Variants in TPD52L2 observed in about 807,000 individuals in gnomAD.
TPD52L2 encodes tumor protein D54.
TPD52L2 carries 19 observed loss-of-function variants against 24.7 expected under a neutral mutation model. The observed-to-expected ratio is 0.77, with a 90% CI of 0.54 to 1.13. TPD52L2 has a LOEUF of 1.13. Ranked by LOEUF, TPD52L2 falls within the 50% of genes most tolerant of loss-of-function variation. The pLI is 0.00. For synonymous variants in TPD52L2, 104 were observed against 100.2 expected (o/e 1.04, Z -0.23); for missense variants, 236 against 250.4 (o/e 0.94, Z 0.39).
chr20:63,885,642 C>T (rs1193473877), intron 5 of TPD52L2, among the ~76,000 whole-genome samples: 2 of 152,220 alleles, frequency 1.3e-5, no homozygotes, highest in Non-Finnish European at 2.9e-5. Context: ...CATTTCACAC[C>T]TTTGCGCTGC....
At chr20:63,874,671 G>T (rs905776955) in intron 3 of TPD52L2, among the ~76,000 whole-genome samples, 2 of 152,092 alleles carry the variant, frequency 1.3e-5, no homozygotes, top group African/African-American at 4.8e-5. Context: ...CACCACATCC[G>T]GCTTATATAC....
Position 63,867,206 on chromosome 20 carries a change from G to A in TPD52L2, c.19+1822G>A, listed in dbSNP as rs151181854. On this transcript the variant is annotated intron_variant, in intron 1 of 6. Transcript: ENST00000346249. Reference sequence around the variant, plus strand: ...TGACCTCAGGTGATCTGCCCGCCTTGGCCTCCAAAAGTGCTGGGATTACAG... The same window carrying A: ...TGACCTCAGGTGATCTGCCCGCCTTAGCCTCCAAAAGTGCTGGGATTACAG... Among the ~76,000 whole-genome samples the A allele has an allele frequency of 1.9e-3, 296 of 152,146 alleles. 1 individual carries two copies. The highest frequency in any genetic ancestry group is 6.9e-3 in the African/African-American group (287 of 41,496).
chr20:63,879,162 G>A (rs2052800777), intron 4 of TPD52L2, among the ~76,000 whole-genome samples: 1 of 152,218 alleles, frequency 6.6e-6, no homozygotes, highest in Non-Finnish European at 1.5e-5. Context: ...CGCTGGTGGT[G>A]GCCTCAGGCT....
chr20:63,887,434 C>T, intron 5 of TPD52L2: 1 of 1,012,978 alleles, frequency 9.9e-7, no homozygotes, highest in Non-Finnish European at 1.6e-6. Context: ...TGTGGAGGGG[C>T]AGGCAGCTCG....
chr20:63,879,496 G>T lies in TPD52L2; in HGVS notation c.375-3223G>T, dbSNP rs111617754. Among the ~76,000 whole-genome samples, 288 of 152,168 alleles carry T rather than the reference G, an allele frequency of 1.9e-3. 1 individual carries two copies. The highest frequency in any genetic ancestry group is 6.6e-3 in the African/African-American group (276 of 41,520). On this transcript the variant is annotated intron_variant, in intron 4 of 6. Coordinates refer to ENST00000346249, the MANE Select transcript of TPD52L2 (RefSeq NM_003288.4). ...TGGTACTTACCCACCCACAGGTCAC[G>T]CTCAGGACCCCACATCTCATTCTGA... is the stretch of plus-strand genomic sequence containing the variant.
rs1211903914 is a variant in TPD52L2, at chr20:63,865,326, C to T, written c.-40C>T. Reference sequence around the variant, plus strand: ...TTCTCCCGGCGCCGCCCGCTCGGCTCCCATAGCGCCCGCGACAGCGGTCCG... The same window carrying T: ...TTCTCCCGGCGCCGCCCGCTCGGCTTCCATAGCGCCCGCGACAGCGGTCCG... On this transcript the variant is annotated 5_prime_UTR_variant, in exon 1 of 7. Transcript: ENST00000346249. 10 of 1,517,158 alleles carry T rather than the reference C, an allele frequency of 6.6e-6. No individual in the cohort carries two copies. Among genetic ancestry groups the T allele is most frequent in the African/African-American group, 4.2e-5 (3 of 70,946 alleles). 94.0% of individuals were successfully genotyped at this position (1,517,158 alleles called of 1,614,324 possible).
chr20:63,865,354 C>T lies in TPD52L2; in HGVS notation c.-12C>T. The T allele has an allele frequency of 6.6e-7, 1 of 1,526,586 alleles. No individual in the cohort carries two copies. The highest frequency in any genetic ancestry group is 2.5e-5 in the East Asian group (1 of 39,530). The allele number at this position is 1,526,586 out of a possible 1,614,324, so 94.6% of individuals were successfully genotyped here. ...ATAGCGCCCGCGACAGCGGTCCGGA[C>T]GCCGCCCGAACATGGACTCCGCCGG... On this transcript the variant is annotated 5_prime_UTR_variant, in exon 1 of 7. The change creates a new upstream start codon in the 5' untranslated region. Transcript: ENST00000346249.
chr20:63,889,478 C>T (rs2053254871), intron 6 of TPD52L2, among the ~76,000 whole-genome samples: 1 of 107,506 alleles, frequency 9.3e-6, no homozygotes. Flanking sequence ...CCACACTGCC[C>T]TTCCTGGTCC....
At chr20:63,869,271 T>C (rs780299160) in intron 1 of TPD52L2, 25 bp from the exon 2 acceptor site, 2 of 1,613,650 alleles carry the variant, frequency 1.2e-6, no homozygotes, top group Non-Finnish European at 1.7e-6. Context: ...TTTGACACTT[T>C]GTGGCCTCAT....
intron 1 of TPD52L2, among the ~76,000 whole-genome samples, chr20:63,868,924 G>C (rs1485842990): frequency 6.6e-6 from 1 of 152,180 alleles, no homozygotes; most frequent in Non-Finnish European, 1.5e-5. Flanking sequence ...TTGGGAGGCA[G>C]AGTGAGACTC....
chr20:63,870,679 A>C (rs1600787789), intron 2 of TPD52L2, among the ~76,000 whole-genome samples: 3 of 138,784 alleles, frequency 2.2e-5, no homozygotes, highest in Admixed American at 7.1e-5. Flanking sequence ...GCCCACCACC[A>C]CGCCCGGCTA....
At position 63,890,134 on chromosome 20, in the gene TPD52L2, G is replaced by C; in HGVS notation, c.*189G>C. The C allele has an allele frequency of 7.6e-7, 1 of 1,307,760 alleles. No individual in the cohort carries two copies. The highest frequency in any genetic ancestry group is 1.0e-6 in the Non-Finnish European group (1 of 969,482). 81.0% of individuals were successfully genotyped at this position (1,307,760 alleles called of 1,614,324 possible). On this transcript the variant is annotated 3_prime_UTR_variant, in exon 7 of 7. Coordinates refer to ENST00000346249, the MANE Select transcript of TPD52L2 (RefSeq NM_003288.4). The stretch of plus-strand genomic sequence containing the variant: ...TTTGAAGAACACAGGCTTGTACACA[G>C]ATGTTTTACACTCACGTTTGTAGAT...
rs1446818660 is a variant in TPD52L2 at position 63,879,733 on chromosome 20, A to C, written c.375-2986A>C. ...ATGCAGGTGCAGCTTCCCCATCCCC[A>C]CTCTTTAGGCACAAATGCAGGTGCA... On this transcript the variant is annotated intron_variant, in intron 4 of 6. Coordinates refer to ENST00000346249, the MANE Select transcript of TPD52L2 (RefSeq NM_003288.4). Among the ~76,000 whole-genome samples the C allele has an allele frequency of 4.6e-5, 6 of 130,212 alleles. No individual in the cohort carries two copies. In the East Asian group the frequency reaches 1.5e-3, roughly 32 times the overall value. 85.4% of individuals were successfully genotyped at this position (130,212 alleles called of 152,430 possible).
chr20:63,865,606 C>T (rs985238762), intron 1 of TPD52L2, among the ~76,000 whole-genome samples: 7 of 152,336 alleles, frequency 4.6e-5, no homozygotes, highest in African/African-American at 1.4e-4. Flanking sequence ...TCCAGCCGCC[C>T]TCCTGGTCTC....
chr20:63,874,222 T>TGTGTGTG (rs1568944507), intron 3 of TPD52L2, among the ~76,000 whole-genome samples: 49 of 139,690 alleles, frequency 3.5e-4, no homozygotes, highest in African/African-American at 1.3e-3. Flanking sequence ...CGGCTGATTT[T>TGTGTGTG]TTTTTTTGTG....
At chr20:63,887,236 C>T in intron 5 of TPD52L2, 1 of 449,250 alleles carries the variant, frequency 2.2e-6, no homozygotes. Context: ...TCTCTTTTGC[C>T]AAAAGGTCCT....
chr20:63,877,466 G>T lies in TPD52L2; in HGVS notation c.374+1591G>T, dbSNP rs553379277. Among the ~76,000 whole-genome samples, 1 of 152,278 alleles carries T rather than the reference G, an allele frequency of 6.6e-6. No individual in the cohort carries two copies. The highest frequency in any genetic ancestry group is 1.9e-4 in the East Asian group (1 of 5,180). On this transcript the variant is annotated intron_variant, in intron 4 of 6. Transcript: ENST00000346249. This position sits in a 1 kb window ranked among gnomAD's most constrained non-coding sequence, Gnocchi z 4.1. ...GACCCACTGCACCCGGCTTGAGCAG[G>T]GTGTTCTAGGGACCCTGGTGGGCTG... is the stretch of plus-strand genomic sequence containing the variant.
intron 5 of TPD52L2, 113 bp from the exon 6 acceptor site, chr20:63,889,077 G>T: frequency 1.2e-6 from 1 of 864,762 alleles, no homozygotes; most frequent in Non-Finnish European, 1.9e-6. Context: ...GAGATCTTGG[G>T]ATGTTGTTAG....
Position 63,868,896 on chromosome 20 carries a change from G to A in TPD52L2, c.20-400G>A, listed in dbSNP as rs144676856. ...ACGGAGGTTGCAGTGAGCTGAGATC[G>A]CACCATTGCACTCCAGCTTGGGAGG... is the stretch of plus-strand genomic sequence containing the variant. On this transcript the variant is annotated intron_variant, in intron 1 of 6. Coordinates refer to ENST00000346249, the MANE Select transcript of TPD52L2 (RefSeq NM_003288.4). Among the ~76,000 whole-genome samples the A allele has an allele frequency of 8.2e-3, 1,250 of 152,264 alleles. 17 individuals carry two copies. Among genetic ancestry groups the A allele is most frequent in the Admixed American group, 0.028 (428 of 15,288 alleles).
Sources: gnomAD v4.1 joint callset for allele counts (sites outside exome capture counted in the v4.1 genomes callset) on GRCh38, gnomAD v4.1.1 for gene constraint, Gnocchi (gnomAD v3.1) non-coding constraint, MANE v1.5 for transcripts, NCBI Gene and HGNC (gene_info 2026-07-23, HGNC 2026-07-21) for gene names.